Variants in TGFBI observed in about 807,000 individuals in gnomAD.
The protein encoded by TGFBI is transforming growth factor beta induced.
TGFBI carries 50 observed loss-of-function variants against 73.7 expected under a neutral mutation model. The observed-to-expected ratio is 0.68, with a 90% CI of 0.54 to 0.86. The LOEUF (loss-of-function observed/expected upper bound fraction) is 0.86. Ranked by LOEUF, TGFBI falls within the 40% of genes least tolerant of loss-of-function variation. The pLI, the probability that TGFBI is intolerant of heterozygous loss-of-function variation, is 0.00. For missense variants in TGFBI, 839 were observed against 877.0 expected, an observed-to-expected ratio of 0.96 and a Z score of 0.55; for synonymous variants, 362 against 360.5, an observed-to-expected ratio of 1.00 and a Z score of -0.05.
intron 12 of TGFBI, 119 bp downstream of exon 12, chr5:136,056,914 T>G: frequency 7.6e-7 from 1 of 1,312,336 alleles, no homozygotes; most frequent in Non-Finnish European, 1.0e-6. Flanking sequence ...ACAAGACTAT[T>G]AGTGAAAGAG....
At chr5:136,032,727 C>A (rs1751143255) in intron 1 of TGFBI, among the ~76,000 whole-genome samples, 2 of 152,124 alleles carry the variant, frequency 1.3e-5, no homozygotes, top group Non-Finnish European at 1.5e-5. Context: ...GGAAGATCAA[C>A]CCTCTCCTGA....
chr5:136,056,676 C>T lies in TGFBI; in HGVS notation c.1559C>T (p.Ala520Val), dbSNP rs1280500838. 1 of 1,613,954 alleles carries T rather than the reference C, an allele frequency of 6.2e-7. No homozygotes were observed. Among genetic ancestry groups the T allele is most frequent in the Non-Finnish European group, 8.5e-7 (1 of 1,179,882 alleles). Residue 520 changes from alanine to valine, a missense_variant, in exon 12 of 17, where the codon GCT becomes GTT. Ala to Val is a moderately conservative substitution (Grantham distance 64, BLOSUM62 0). Transcript: ENST00000442011. ...KGDNRFSMLV[A>V]AIQSAGLTET... ...GTGTGTATCTACAGCATGCTGGTAGCTGCCATCCAGTCTGCAGGACTGACG... is the reference window on the plus strand; with the variant it reads ...GTGTGTATCTACAGCATGCTGGTAGTTGCCATCCAGTCTGCAGGACTGACG...
At chr5:136,047,038 G>C in intron 5 of TGFBI, 23 bp downstream of exon 5, 1 of 1,608,166 alleles carries the variant, frequency 6.2e-7, no homozygotes, top group Non-Finnish European at 8.5e-7. Flanking sequence ...CAGCCATACT[G>C]CATGGCCCTT....
In TGFBI at chr5:136,058,652, T is replaced by C. The variant is rs550723327; in HGVS notation, c.1679-438T>C. ...CATTTGAGGGCAGAATGTGTAAATA[T>C]TGCACTACTGTGTTATAACCGTCAG... On this transcript the variant is annotated intron_variant, in intron 12 of 16. Transcript: ENST00000442011. The C allele has an allele frequency of 3.0e-4, 48 of 158,168 alleles. No homozygotes were observed. In the South Asian group the frequency reaches 8.9e-3, roughly 29 times the overall value. The allele number at this position is 158,168 out of a possible 1,614,324, so 9.8% of individuals were successfully genotyped here. A position where few individuals can be genotyped will look rare whatever the true frequency, so the allele number is the denominator to read the frequency against.
At chr5:136,053,829 G>A (rs1001953787) in intron 8 of TGFBI, 114 bp from the exon 9 acceptor site, 58 of 1,483,476 alleles carry the variant, frequency 3.9e-5, no homozygotes, top group Non-Finnish European at 5.3e-5. Flanking sequence ...GTTTAGAGGG[G>A]TTGTTGACTC....
chr5:136,046,185 C>T (rs916175606), intron 3 of TGFBI, 150 bp from the exon 4 acceptor site: 7 of 815,790 alleles, frequency 8.6e-6, no homozygotes, highest in Non-Finnish European at 1.1e-5. Flanking sequence ...AAGCCTTAAG[C>T]CCCCCAGAAA....
Position 136,044,078 on chromosome 5 carries a change from G to A in TGFBI, c.254G>A (p.Cys85Tyr), listed in dbSNP as rs1751384701. 1 of 1,613,214 alleles carries A rather than the reference G, an allele frequency of 6.2e-7. No homozygotes were observed. Among genetic ancestry groups the A allele is most frequent in the Non-Finnish European group, 8.5e-7 (1 of 1,179,516 alleles). ...TACAGAGTCATCAGCTACGAGTGCT[G>A]TCCTGGATATGAAAAGGTCCCTGGG... is the stretch of plus-strand genomic sequence containing the variant. ...GKSTVISYECCPGYEKVPGEK... is the reference protein window; with the variant it reads ...GKSTVISYECYPGYEKVPGEK... The change falls in exon 3 of 17, where the codon TGT (cysteine) becomes TAT (tyrosine). Residue 85 changes from cysteine to tyrosine, a missense_variant. Coordinates refer to ENST00000442011, the MANE Select transcript of TGFBI (RefSeq NM_000358.3).
chr5:136,046,304 C>T, intron 3 of TGFBI, 31 bp from the exon 4 acceptor site: 4 of 1,613,254 alleles, frequency 2.5e-6, no homozygotes, highest in South Asian at 1.1e-5. Context: ...CCCCCAGAGG[C>T]CATCCCTCCT....
chr5:136,034,419 G>T (rs1751181173), intron 2 of TGFBI, among the ~76,000 whole-genome samples: 1 of 151,956 alleles, frequency 6.6e-6, no homozygotes, highest in African/African-American at 2.4e-5. Context: ...TACCTGAAAA[G>T]TTCGTATAAC....
At position 136,046,244 on chromosome 5, in the gene TGFBI, T is replaced by C. The variant is rs1053359522; in HGVS notation, c.299-91T>C. The C allele has an allele frequency of 4.7e-6, 7 of 1,500,972 alleles. No homozygotes were observed. In the East Asian group the frequency reaches 1.6e-4, roughly 34 times the overall value. 93.0% of individuals were successfully genotyped at this position (1,500,972 alleles called of 1,614,324 possible). A position where few individuals can be genotyped will look rare whatever the true frequency, so the allele number is the denominator to read the frequency against. On this transcript the variant is annotated intron_variant, in intron 3 of 16. Coordinates refer to ENST00000442011, the MANE Select transcript of TGFBI (RefSeq NM_000358.3). ...CATGCCTCCTCGTCCTCTCCACCTG[T>C]AGATGTACCGTGCTCTCTGTCAGAG...
At chr5:136,033,698 T>G in intron 1 of TGFBI, 65 bp from the exon 2 acceptor site, 2 of 1,371,658 alleles carry the variant, frequency 1.5e-6, no homozygotes, top group Non-Finnish European at 2.1e-6. Context: ...GCAAACACGA[T>G]GGGAGTCATT....
intron 11 of TGFBI, 134 bp from the exon 12 acceptor site, chr5:136,056,531 G>A: frequency 2.6e-6 from 3 of 1,163,896 alleles, no homozygotes; most frequent in South Asian, 2.9e-5. Flanking sequence ...GAAAACCAAG[G>A]TGTGTGCATT....
chr5:136,046,437 G>C lies in TGFBI; in HGVS notation c.401G>C (p.Gly134Ala). 9 of 1,613,594 alleles carry C rather than the reference G, an allele frequency of 5.6e-6. No homozygotes were observed. Among genetic ancestry groups the C allele is most frequent in the Non-Finnish European group, 7.6e-6 (9 of 1,179,614 alleles). ...GAGAAGCTGAGGCCTGAGATGGAGGGGCCCGGCAGCTTCACCATCTTCGCC... is the reference window on the plus strand; with the variant it reads ...GAGAAGCTGAGGCCTGAGATGGAGGCGCCCGGCAGCTTCACCATCTTCGCC... Reference protein sequence around the residue: ...RTEKLRPEMEGPGSFTIFAPS... With the variant: ...RTEKLRPEMEAPGSFTIFAPS... Residue 134 changes from glycine to alanine, a missense_variant, in exon 4 of 17, where the codon GGG (glycine) becomes GCG (alanine). Gly to Ala is a moderately conservative substitution (Grantham distance 60). Transcript: ENST00000442011.
intron 2 of TGFBI, among the ~76,000 whole-genome samples, chr5:136,034,655 A>G (rs1329351554): frequency 6.6e-6 from 1 of 152,018 alleles, no homozygotes; most frequent in African/African-American, 2.4e-5. Context: ...TTCAGCAAGG[A>G]GGGAGGCAGC....
rs1324662893 is a variant in TGFBI, at chr5:136,061,673, C to A, written c.1986+94C>A. 5 of 1,047,452 alleles carry A rather than the reference C, an allele frequency of 4.8e-6. No homozygotes were observed. In the East Asian group the frequency reaches 1.2e-4, roughly 25 times the overall value. 64.9% of individuals were successfully genotyped at this position (1,047,452 alleles called of 1,614,324 possible). A position where few individuals can be genotyped will look rare whatever the true frequency, so the allele number is the denominator to read the frequency against. On this transcript the variant is annotated intron_variant, in intron 15 of 16. Coordinates refer to ENST00000442011, the MANE Select transcript of TGFBI (RefSeq NM_000358.3). ...CCTCTCCAGCCCCTGTCTTCCTTGG[C>A]TGCTCCCCAGGGCTCTCTTAAAACT...
chr5:136,046,211 C>A, intron 3 of TGFBI, 124 bp from the exon 4 acceptor site: 1 of 1,194,890 alleles, frequency 8.4e-7, no homozygotes, highest in Non-Finnish European at 1.2e-6. Context: ...TGTCTTTGGG[C>A]TTTCCCACAT....
At position 136,049,432 on chromosome 5, in the gene TGFBI, C is replaced by T; in HGVS notation, c.772-7C>T. The T allele has an allele frequency of 6.2e-7, 1 of 1,613,452 alleles. No individual in the cohort carries two copies. On this transcript the variant is annotated splice_polypyrimidine_tract_variant and splice_region_variant and intron_variant, in intron 6 of 16. Coordinates refer to ENST00000442011, the MANE Select transcript of TGFBI (RefSeq NM_000358.3). Reference sequence around the variant, plus strand: ...AGGGAGCACTCCATCTTCTCTCCTCCCCACAGGCTGCTGTGGCTGCATCAG... The same window carrying T: ...AGGGAGCACTCCATCTTCTCTCCTCTCCACAGGCTGCTGTGGCTGCATCAG...
Position 136,063,035 on chromosome 5 carries a change from T to G in TGFBI, c.2012-151T>G, listed in dbSNP as rs1219674034. The stretch of plus-strand genomic sequence containing the variant: ...AGAACATCGGGCCTTGAGTAAAGAG[T>G]GAAGTTTCACAAACCACAAAGCACC... On this transcript the variant is annotated intron_variant, in intron 16 of 16. Coordinates refer to ENST00000442011, the MANE Select transcript of TGFBI (RefSeq NM_000358.3). The G allele has an allele frequency of 5.8e-6, 4 of 692,230 alleles. No homozygotes were observed. The African/African-American group carries it at 7.2e-5, about 12-fold the overall frequency. 42.9% of individuals were successfully genotyped at this position (692,230 alleles called of 1,614,324 possible).
chr5:136,031,478 A>G (rs1001406400), intron 1 of TGFBI, among the ~76,000 whole-genome samples: 11 of 152,248 alleles, frequency 7.2e-5, no homozygotes, highest in Non-Finnish European at 1.2e-4. Flanking sequence ...ACCACAACAC[A>G]GTGAGATCTA....
Sources: gnomAD v4.1 joint callset for allele counts (sites outside exome capture counted in the v4.1 genomes callset) on GRCh38, gnomAD v4.1.1 for gene constraint, MANE v1.5 for transcripts, NCBI Gene and HGNC (gene_info 2026-07-23, HGNC 2026-07-21) for gene names.